Variants in ZNF343 observed in about 807,000 individuals in gnomAD.
The protein encoded by ZNF343 is zinc finger protein 343.
A neutral mutation model predicts 13.8 loss-of-function variants in ZNF343; 11 were observed. That is an observed-to-expected ratio of 0.80 (90% CI 0.50 to 1.32). The LOEUF (loss-of-function observed/expected upper bound fraction) is 1.32. Among genes scored for constraint, ZNF343 ranks in the 40% most tolerant of loss-of-function variants. The pLI, the probability that ZNF343 is intolerant of heterozygous loss-of-function variation, is 0.00. For missense variants in ZNF343, 658 were observed against 714.2 expected (o/e 0.92, Z 0.90); for synonymous variants, 248 against 260.0 (o/e 0.95, Z 0.44).
At chr20:2,510,473 T>C (rs992223314), upstream of ZNF343, among the ~76,000 whole-genome samples, 2 of 152,256 alleles carry the variant, frequency 1.3e-5, no homozygotes. Flanking sequence ...TCCTTCCATC[T>C]TCTTATTTCT....
Position 2,523,979 on chromosome 20 carries a change from CA to C in ZNF343, c.-347+475del, listed in dbSNP as rs56321237. On this transcript the variant is annotated intron_variant, in intron 1 of 6. Transcript: ENST00000358413. Reference sequence around the variant, plus strand: ...AGCCTGGGTGACAGAGACCCCGTCTCAAAAAAAAAAAAAAAAAAATCGAAGT... The same window carrying C: ...AGCCTGGGTGACAGAGACCCCGTCTCAAAAAAAAAAAAAAAAAATCGAAGT... Among the ~76,000 whole-genome samples the C allele has an allele frequency of 9.9e-3, 1,035 of 104,294 alleles. 16 individuals carry two copies. The highest frequency in any genetic ancestry group is 0.042 in the African/African-American group (902 of 21,640). 68.4% of individuals were successfully genotyped at this position (104,294 alleles called of 152,430 possible).
intron 1 of ZNF343, among the ~76,000 whole-genome samples, chr20:2,507,438 A>G (rs1260335094): frequency 6.6e-6 from 1 of 152,246 alleles, no homozygotes; most frequent in Admixed American, 6.5e-5. Flanking sequence ...TTTAATGCCT[A>G]TGGGCCTCAA....
chr20:2,515,661 T>C (rs1177280358), intron 1 of ZNF343, among the ~76,000 whole-genome samples: 1 of 152,254 alleles, frequency 6.6e-6, no homozygotes, highest in Non-Finnish European at 1.5e-5. Flanking sequence ...GTTATCTTGT[T>C]ATCTCTACTT....
rs368034772 is a variant in ZNF343, at chr20:2,521,972, C to T, written c.-347+2483G>A. The stretch of plus-strand genomic sequence containing the variant: ...TTTGCACATGTAAAGTTACAAAGCA[C>T]TTAAGAAGCATGTAAGGTTTGTTTA... On this transcript the variant is annotated intron_variant, in intron 1 of 6. Coordinates refer to the ZNF343 transcript ENST00000358413. Among the ~76,000 whole-genome samples, 3 of 152,240 alleles carry T rather than the reference C, an allele frequency of 2.0e-5. No homozygotes were observed. In the East Asian group the frequency reaches 5.8e-4, roughly 29 times the overall value.
chr20:2,482,063 GTCT>G lies in ZNF343; in HGVS notation c.*1095_*1097del, dbSNP rs2085173009. ...CCACCCACAAGCCCTGCCCACAGAG[GTCT>G]TCTCCCTGAGTGTGTCCTCCTTTAG... On this transcript the variant is annotated 3_prime_UTR_variant, in exon 6 of 6. Coordinates refer to ENST00000278772, the MANE Select transcript of ZNF343 (RefSeq NM_024325.6). The G allele has an allele frequency of 1.3e-5, 2 of 152,104 alleles. No homozygotes were observed. The highest frequency in any genetic ancestry group is 1.3e-4 in the Admixed American group (2 of 15,278). 9.4% of individuals were successfully genotyped at this position (152,104 alleles called of 1,614,324 possible).
At chr20:2,506,976 T>C (rs557009652) in intron 1 of ZNF343, among the ~76,000 whole-genome samples, 6 of 148,896 alleles carry the variant, frequency 4.0e-5, no homozygotes, top group African/African-American at 7.4e-5. Flanking sequence ...ATAAAATGAG[T>C]GGGCCAGCCG....
upstream of ZNF343, among the ~76,000 whole-genome samples, chr20:2,510,366 T>A (rs1295173572): frequency 1.3e-5 from 2 of 152,252 alleles, no homozygotes; most frequent in African/African-American, 2.4e-5. Flanking sequence ...TCCAGTTCAA[T>A]ATTATTTGGT....
chr20:2,499,250 G>A (rs1162341642), intron 2 of ZNF343, among the ~76,000 whole-genome samples: 1 of 148,038 alleles, frequency 6.8e-6, no homozygotes, highest in South Asian at 2.1e-4. Flanking sequence ...CGGATCACGA[G>A]GTCAGGAGAT....
intron 5 of ZNF343, among the ~76,000 whole-genome samples, chr20:2,492,247 T>G (rs1380312131): frequency 2.6e-5 from 4 of 152,306 alleles, no homozygotes; most frequent in Non-Finnish European, 4.4e-5. Flanking sequence ...CAGCTTCATA[T>G]ACTGGGCAGG....
chr20:2,501,269 C>A (rs1414624705), intron 1 of ZNF343, among the ~76,000 whole-genome samples: 1 of 152,134 alleles, frequency 6.6e-6, no homozygotes, highest in Non-Finnish European at 1.5e-5. Flanking sequence ...GGAGGGGCAC[C>A]CACCATTGCT....
rs200150089 is a variant in ZNF343 at position 2,484,659 on chromosome 20, G to A, written c.305-3C>T. ...GTAGATTTCTGGCTTTGGTTCTGCT[G>A]AAGAATGAAAGTTTTCTGTTAGAGT... On this transcript the variant is annotated splice_polypyrimidine_tract_variant and splice_region_variant and intron_variant, in intron 5 of 5. Transcript: ENST00000278772. The A allele has an allele frequency of 6.3e-7, 1 of 1,577,474 alleles. No individual in the cohort carries two copies. Among genetic ancestry groups the A allele is most frequent in the Non-Finnish European group, 8.6e-7 (1 of 1,162,300 alleles).
chr20:2,509,003 C>A (rs2085717077), upstream of ZNF343: 1 of 152,302 alleles, frequency 6.6e-6, no homozygotes, highest in Non-Finnish European at 1.5e-5. Flanking sequence ...GCAACGGTTA[C>A]TTTTCCAGGA....
chr20:2,507,224 A>C (rs2085674952), intron 1 of ZNF343, among the ~76,000 whole-genome samples: 2 of 149,828 alleles, frequency 1.3e-5, no homozygotes. Context: ...AGATCGCGCC[A>C]CTGCACTCCA....
chr20:2,499,573 G>A lies in ZNF343; in HGVS notation c.-150+1083C>T, dbSNP rs187252354. Among the ~76,000 whole-genome samples the A allele has an allele frequency of 7.0e-3, 1,069 of 151,984 alleles. 10 individuals are homozygous for A. Among genetic ancestry groups the A allele is most frequent in the African/African-American group, 0.024 (1,013 of 41,374 alleles). ...GAGGAGCAACTTAAAAGGCAGGGTG[G>A]AAGGTGAACTAGAATGTGGAGAAAA... On this transcript the variant is annotated intron_variant, in intron 2 of 5. Transcript: ENST00000278772.
rs1600048562 is a variant in ZNF343, at chr20:2,492,766, C to T, written c.237G>A (p.Leu79=). 6.2e-7 allele frequency: 1 copy of T among 1,613,630 alleles called. No individual in the cohort carries two copies. Among genetic ancestry groups the T allele is most frequent in the Non-Finnish European group, 8.5e-7 (1 of 1,179,924 alleles). The change falls in exon 5 of 6, where the codon CTG becomes CTA. Residue 79 remains leucine, a synonymous_variant. Coordinates refer to ENST00000278772, the MANE Select transcript of ZNF343 (RefSeq NM_024325.6). ...VIFTEAEWKR[L]SPEQRNLYKE... ...TGTATAGATTCCTCTGCTCTGGACT[C>T]AGTCTCTTCCATTCTGCTTCTGTGA... is the stretch of plus-strand genomic sequence containing the variant.
In ZNF343 at chr20:2,483,673, T is replaced by C; in HGVS notation, c.1288A>G (p.Thr430Ala). ...ACATAAGGCTTCTCATCCAAGTGTG[T>C]CCTCTGGTGTTTGATGAGATCTGAG... is the stretch of plus-strand genomic sequence containing the variant. ...QNSDLIKHQR[T>A]HLDEKPYVCR... is the part of the protein sequence containing the mutation. The change falls in exon 6 of 6, where the codon ACA (threonine) becomes GCA (alanine). Residue 430 changes from threonine (T) to alanine (A), a missense_variant. Physicochemically the swap from Thr to Ala is moderately conservative, Grantham distance 58 (BLOSUM62 0). Coordinates refer to ENST00000278772, the MANE Select transcript of ZNF343 (RefSeq NM_024325.6). 6.2e-7 allele frequency: 1 copy of C among 1,610,688 alleles called. No homozygotes were observed.
intron 1 of ZNF343, chr20:2,524,364 C>G (rs1283471984): frequency 6.6e-6 from 1 of 152,264 alleles, no homozygotes; most frequent in East Asian, 1.9e-4. Flanking sequence ...CGCTCTAACT[C>G]ACAACAAATG....
chr20:2,497,090 A>AT (rs34462981), intron 2 of ZNF343, among the ~76,000 whole-genome samples: 58,629 of 151,844 alleles, frequency 0.39, 11,856 homozygotes, highest in Non-Finnish European at 0.46. Flanking sequence ...AAAAAAAAAA[A>AT]TTTTACCATC....
At chr20:2,493,249 T>C (rs1354337442) in intron 4 of ZNF343, among the ~76,000 whole-genome samples, 2 of 151,802 alleles carry the variant, frequency 1.3e-5, no homozygotes, top group Non-Finnish European at 2.9e-5. Context: ...GAGGAGAGAA[T>C]GGAAGAAAAC....
Sources: allele counts gnomAD v4.1 joint callset (sites outside exome capture counted in the v4.1 genomes callset), GRCh38; gene constraint gnomAD v4.1.1; transcripts MANE v1.5; gene names NCBI Gene and HGNC (gene_info 2026-07-23, HGNC 2026-07-21).